The following AAK1 variants were observed in gnomAD, a reference collection of about 807,000 sequenced individuals.
AAK1 encodes AP2 associated kinase 1, also known as AP2-associated protein kinase 1.
Under a neutral mutation model 116.0 loss-of-function variants are expected in AAK1, and 37 were observed. The ratio of observed to expected loss-of-function variants is 0.32; its 90% CI spans 0.25 to 0.42. The LOEUF is 0.42. Ranked by LOEUF, AAK1 falls within the 10% of genes least tolerant of loss-of-function variation. The probability of loss-of-function intolerance (pLI) is 1.00; values close to 1 mark genes in which losing one functional copy is unlikely to be tolerated. For synonymous variants in AAK1, 458 were observed against 439.9 expected, an observed-to-expected ratio of 1.04 and a Z score of -0.51; for missense variants, 919 against 1,170.6, an observed-to-expected ratio of 0.79 and a Z score of 3.14.
At position 69,469,593 on chromosome 2, in the gene AAK1, C is replaced by T. The variant is rs888822239; in HGVS notation, c.*6276G>A. The T allele has an allele frequency of 3.0e-6, 3 of 985,282 alleles. No individual in the cohort carries two copies. The African/African-American group carries it at 5.2e-5, about 17-fold the overall frequency. The allele number at this position is 985,282 out of a possible 1,614,324, so 61.0% of individuals were successfully genotyped here. On this transcript the variant is annotated 3_prime_UTR_variant, in exon 22 of 22. Coordinates refer to ENST00000409085, the MANE Select transcript of AAK1 (RefSeq NM_014911.5). ...ACCAATGGCACGTCATAGCAGATAC[C>T]CTGTGGCCATAGAGCTCAGTAAACA... is the stretch of plus-strand genomic sequence containing the variant.
In AAK1 at chr2:69,469,030, T is replaced by C. The variant is rs184114361; in HGVS notation, c.*6839A>G. On this transcript the variant is annotated 3_prime_UTR_variant, in exon 22 of 22. Transcript: ENST00000409085. ...GTTTGAAGGGAAAATTAGTCTCCTG[T>C]CCTTCAAAACAAGGACAAGAGCTAT... 3.5e-4 allele frequency: 346 copies of C among 985,440 alleles called. 1 individual carries two copies. In the African/African-American group the frequency reaches 5.6e-3, roughly 16 times the overall value. The allele number at this position is 985,440 out of a possible 1,614,324, so 61.0% of individuals were successfully genotyped here.
intron 17 of AAK1, 118 bp downstream of exon 17, chr2:69,495,867 C>T: frequency 1.3e-6 from 1 of 766,780 alleles, no homozygotes; most frequent in East Asian, 2.8e-5. Context: ...CAACAGCAGC[C>T]TATTATTAGG....
chr2:69,518,883 C>G (rs1676703789), intron 12 of AAK1, 71 bp downstream of exon 12: 1 of 1,468,070 alleles, frequency 6.8e-7, no homozygotes, highest in Non-Finnish European at 9.0e-7. Context: ...GGGAAGACAC[C>G]TTTACCTAGT....
Position 69,633,599 on chromosome 2 carries a change from CAA to C in AAK1, c.163+9277_163+9278del, listed in dbSNP as rs3075922. Among the ~76,000 whole-genome samples the C allele has an allele frequency of 9.0e-3, 1,023 of 114,202 alleles. 13 individuals are homozygous for C. Among genetic ancestry groups the C allele is most frequent in the African/African-American group, 0.024 (818 of 33,598 alleles). 74.9% of individuals were successfully genotyped at this position (114,202 alleles called of 152,430 possible). A position where few individuals can be genotyped will look rare whatever the true frequency, so the allele number is the denominator to read the frequency against. ...CTGGCGACAGAATGAGACGCTGTCT[CAA>C]AAAAAAAAAAAAAAAACTCAGTAGT... On this transcript the variant is annotated intron_variant, in intron 2 of 21. Coordinates refer to ENST00000409085, the MANE Select transcript of AAK1 (RefSeq NM_014911.5).
intron 2 of AAK1, chr2:69,597,264 T>C (rs1673342218): frequency 6.6e-6 from 1 of 152,250 alleles, no homozygotes; most frequent in African/African-American, 2.4e-5. Flanking sequence ...AAACTGAAAG[T>C]ATTTCATTGA....
intron 17 of AAK1, among the ~76,000 whole-genome samples, chr2:69,483,709 C>T (rs2104900694): frequency 6.6e-6 from 1 of 152,294 alleles, no homozygotes; most frequent in Middle Eastern, 3.4e-3. Flanking sequence ...GCCAACTATG[C>T]ACCTGTGACA....
rs2104873903 is a variant in AAK1 at position 69,471,967 on chromosome 2, AG to A, written c.*3901del. On this transcript the variant is annotated 3_prime_UTR_variant, in exon 22 of 22. Coordinates refer to ENST00000409085, the MANE Select transcript of AAK1 (RefSeq NM_014911.5). The stretch of plus-strand genomic sequence containing the variant: ...TTGGGTTTGTTTTTCCACAAGTATT[AG>A]CAATCCAAGTTGTGTAATTCTAATT... 5 of 985,424 alleles carry A rather than the reference AG, an allele frequency of 5.1e-6. No individual in the cohort carries two copies. In the South Asian group the frequency reaches 2.3e-4, roughly 46 times the overall value. The allele number at this position is 985,424 out of a possible 1,614,324, so 61.0% of individuals were successfully genotyped here.
chr2:69,616,113 T>C (rs937238261), intron 2 of AAK1, among the ~76,000 whole-genome samples: 4 of 152,200 alleles, frequency 2.6e-5, no homozygotes, highest in African/African-American at 9.7e-5. Flanking sequence ...TTTCGGGCGA[T>C]GAAAATGTTT....
intron 16 of AAK1, among the ~76,000 whole-genome samples, chr2:69,502,094 C>T (rs1002505939): frequency 2.6e-5 from 4 of 152,062 alleles, no homozygotes; most frequent in Admixed American, 6.5e-5. Flanking sequence ...CATCCAACCT[C>T]TGGCTAGAGT....
intron 2 of AAK1, among the ~76,000 whole-genome samples, chr2:69,606,163 G>A (rs1430149081): frequency 1.3e-5 from 2 of 152,114 alleles, no homozygotes; most frequent in Admixed American, 1.3e-4. Flanking sequence ...ACAAAAAGCT[G>A]CTTCCTGATT....
intron 2 of AAK1, among the ~76,000 whole-genome samples, chr2:69,559,434 T>C (rs2105091268): frequency 6.6e-6 from 1 of 152,338 alleles, no homozygotes; most frequent in South Asian, 2.1e-4. Flanking sequence ...GCCAAAGTTA[T>C]TAAATCCATG....
intron 17 of AAK1, among the ~76,000 whole-genome samples, chr2:69,489,164 A>C (rs946915331): frequency 2.6e-5 from 4 of 151,272 alleles, no homozygotes; most frequent in African/African-American, 9.7e-5. Flanking sequence ...AAAATATCAA[A>C]AGAGAAGCCG....
At chr2:69,593,329 T>C (rs755275148) in intron 2 of AAK1, among the ~76,000 whole-genome samples, 20 of 152,154 alleles carry the variant, frequency 1.3e-4, no homozygotes, top group African/African-American at 4.8e-4. Flanking sequence ...CTATACTCAG[T>C]GATATGGAAA....
intron 2 of AAK1, among the ~76,000 whole-genome samples, chr2:69,630,609 G>A (rs970192316): frequency 2.0e-5 from 3 of 152,196 alleles, no homozygotes; most frequent in African/African-American, 7.2e-5. Context: ...TTTTATAGAT[G>A]AGAAGACTAG....
chr2:69,480,824 G>T, intron 19 of AAK1, 36 bp downstream of exon 19: 1 of 1,533,432 alleles, frequency 6.5e-7, no homozygotes, highest in South Asian at 1.2e-5. Context: ...TCACCACACC[G>T]ACCAGTCCCT....
chr2:69,591,537 T>TTTTTTTTGG, intron 2 of AAK1, among the ~76,000 whole-genome samples: 1 of 149,156 alleles, frequency 6.7e-6, no homozygotes, highest in African/African-American at 2.5e-5. Flanking sequence ...TTTTTTTTTT[T>TTTTTTTTGG]TGAGAGGGAG....
In AAK1 at chr2:69,461,499, C is replaced by CAA. The variant is rs571167118; in HGVS notation, c.*14368_*14369dup. 778 of 158,106 alleles carry CAA rather than the reference C, an allele frequency of 4.9e-3. No homozygotes were observed. Among genetic ancestry groups the CAA allele is most frequent in the Middle Eastern group, 0.012 (4 of 324 alleles). The allele number at this position is 158,106 out of a possible 1,614,324, so 9.8% of individuals were successfully genotyped here. On this transcript the variant is annotated 3_prime_UTR_variant, in exon 22 of 22. Transcript: ENST00000409085. The stretch of plus-strand genomic sequence containing the variant: ...AAGTCAAAGTTTTTTCATGCATCAC[C>CAA]AAAAAAAAAAAAAAAAGTAATTTGC...
At chr2:69,501,381 C>A (rs1675973609) in intron 16 of AAK1, among the ~76,000 whole-genome samples, 1 of 151,502 alleles carries the variant, frequency 6.6e-6, no homozygotes, top group African/African-American at 2.4e-5. Flanking sequence ...CCACAAAACC[C>A]CATTTTTTTT....
Position 69,509,447 on chromosome 2 carries a change from A to C in AAK1, c.1790T>G (p.Val597Gly). ...TGTCTGAACCTTTGGCTGTTGTCTT[A>C]CTGGGGCTTGAATCTGCTAGGAAGA... ...PAQEPAIQAP[V>G]RQQPKVQTTP... is the part of the protein sequence containing the mutation. The change falls in exon 14 of 22, where the codon GTA (valine) becomes GGA (glycine). Residue 597 changes from valine (V) to glycine (G), a missense_variant. Physicochemically the swap from Val to Gly is moderately radical, Grantham distance 109 (BLOSUM62 -3). Coordinates refer to ENST00000409085, the MANE Select transcript of AAK1 (RefSeq NM_014911.5). 6.2e-7 allele frequency: 1 copy of C among 1,613,724 alleles called. No homozygotes were observed. Among genetic ancestry groups the C allele is most frequent in the Non-Finnish European group, 8.5e-7 (1 of 1,179,736 alleles).
Sources: allele counts gnomAD v4.1 joint callset (sites outside exome capture counted in the v4.1 genomes callset), GRCh38; gene constraint gnomAD v4.1.1; transcripts MANE v1.5; gene names NCBI Gene and HGNC (gene_info 2026-07-23, HGNC 2026-07-21).